The following ST6GALNAC3 variants were observed in gnomAD, a reference collection of about 807,000 sequenced individuals.
The protein encoded by ST6GALNAC3 is ST6 N-acetylgalactosaminide alpha-2,6-sialyltransferase 3, also known as alpha-N-acetylgalactosaminide alpha-2,6-sialyltransferase 3.
ST6GALNAC3 carries 25 observed loss-of-function variants against 32.7 expected under a neutral mutation model. That is an observed-to-expected ratio of 0.76 (90% CI 0.56 to 1.07). The LOEUF (loss-of-function observed/expected upper bound fraction) is 1.07, where lower values mean the gene tolerates loss of function less well. Among genes scored for constraint, ST6GALNAC3 ranks in the 50% least tolerant of loss-of-function variants. ST6GALNAC3 has a pLI of 0.00. For missense variants in ST6GALNAC3, 355 were observed against 382.4 expected, an observed-to-expected ratio of 0.93 and a Z score of 0.60; for synonymous variants, 129 against 133.1, an observed-to-expected ratio of 0.97 and a Z score of 0.21.
intron 2 of ST6GALNAC3, among the ~76,000 whole-genome samples, chr1:76,406,590 A>G (rs1653851764): frequency 6.6e-6 from 1 of 152,028 alleles, no homozygotes; most frequent in Non-Finnish European, 1.5e-5. Flanking sequence ...GCCAAAAAGG[A>G]ATAGTGGTGA....
intron 3 of ST6GALNAC3, among the ~76,000 whole-genome samples, chr1:76,416,622 G>GTTTTT (rs1431727778): frequency 1.9e-4 from 19 of 99,864 alleles, no homozygotes; most frequent in African/African-American, 6.9e-4. Context: ...AGTATTGTGG[G>GTTTTT]TTTTGTTTTT....
In ST6GALNAC3 at chr1:76,378,736, G is replaced by A. The variant is rs545379050; in HGVS notation, c.214-33272G>A. Reference sequence around the variant, plus strand: ...CAAAGGATCATCGTGGTATGATGGCGCTTCACACATGCAGAATGGTCATCT... The same window carrying A: ...CAAAGGATCATCGTGGTATGATGGCACTTCACACATGCAGAATGGTCATCT... On this transcript the variant is annotated intron_variant, in intron 2 of 4. Transcript: ENST00000328299. 4.3e-4 allele frequency among the ~76,000 whole-genome samples: 66 copies of A among 152,080 alleles called. No individual in the cohort carries two copies. In the Middle Eastern group the frequency reaches 0.01, roughly 24 times the overall value.
intron 1 of ST6GALNAC3, among the ~76,000 whole-genome samples, chr1:76,152,488 T>G (rs1361787934): frequency 6.6e-6 from 1 of 152,196 alleles, no homozygotes; most frequent in Admixed American, 6.5e-5. Context: ...TTGCAAAGTC[T>G]TGTGCTAGGT....
At position 76,570,869 on chromosome 1, in the gene ST6GALNAC3, AG is replaced by A. The variant is rs546070108; in HGVS notation, c.624-56581del. ...CTTTAATCGCTCAATGATTTCATAC[AG>A]GCCCATGTCCTTAGGTGCCACTTCT... On this transcript the variant is annotated intron_variant, in intron 3 of 4. Transcript: ENST00000328299. Among the ~76,000 whole-genome samples the A allele has an allele frequency of 2.8e-4, 42 of 152,088 alleles. 1 individual carries two copies. The South Asian group carries it at 3.3e-3, about 12-fold the overall frequency.
At chr1:76,236,244 G>A (rs1570534064) in intron 1 of ST6GALNAC3, among the ~76,000 whole-genome samples, 1 of 152,038 alleles carries the variant, frequency 6.6e-6, no homozygotes, top group Non-Finnish European at 1.5e-5. Context: ...TACCGCACCC[G>A]ACCAACCTAA....
chr1:76,210,634 G>T (rs150607781), intron 1 of ST6GALNAC3, among the ~76,000 whole-genome samples: 1 of 152,146 alleles, frequency 6.6e-6, no homozygotes, highest in Admixed American at 6.5e-5. Context: ...CAAGGTGTTC[G>T]CATGTTTGCT....
rs368648490 is a variant in ST6GALNAC3, at chr1:76,482,139, T to TACACACAC, written c.623+69744_623+69751dup. Among the ~76,000 whole-genome samples the TACACACAC allele has an allele frequency of 9.9e-3, 1,451 of 147,112 alleles. 15 individuals carry two copies. The highest frequency in any genetic ancestry group is 0.019 in the South Asian group (88 of 4,582). On this transcript the variant is annotated intron_variant, in intron 3 of 4. Coordinates refer to ENST00000328299, the MANE Select transcript of ST6GALNAC3 (RefSeq NM_152996.4). ...AAAGAGAATTTTAACAAATTTTCTT[T>TACACACAC]ACACACACACACACACACACACACA...
chr1:76,342,774 G>A (rs1412908625), intron 2 of ST6GALNAC3, among the ~76,000 whole-genome samples: 1 of 151,826 alleles, frequency 6.6e-6, no homozygotes, highest in Non-Finnish European at 1.5e-5. Flanking sequence ...CATTCTGATT[G>A]GTATGAGATG....
chr1:76,365,884 C>A (rs1449072315), intron 2 of ST6GALNAC3, among the ~76,000 whole-genome samples: 1 of 152,108 alleles, frequency 6.6e-6, no homozygotes, highest in African/African-American at 2.4e-5. Context: ...TAAACACAAT[C>A]TTTCACTTTC....
chr1:76,288,974 TC>T (rs1207653931), intron 1 of ST6GALNAC3, among the ~76,000 whole-genome samples: 23 of 152,130 alleles, frequency 1.5e-4, no homozygotes, highest in Non-Finnish European at 2.9e-4. Context: ...GAACCACACT[TC>T]CCCCTCCAAA....
Position 76,357,225 on chromosome 1 carries a change from C to T in ST6GALNAC3, c.213+43226C>T, listed in dbSNP as rs189633044. On this transcript the variant is annotated intron_variant, in intron 2 of 4. Coordinates refer to ENST00000328299, the MANE Select transcript of ST6GALNAC3 (RefSeq NM_152996.4). Reference sequence around the variant, plus strand: ...TCTCAACTCACTGCAACCTCCGCCTCCTGGGTTCAAGTGATTCTCATAATT... The same window carrying T: ...TCTCAACTCACTGCAACCTCCGCCTTCTGGGTTCAAGTGATTCTCATAATT... Among the ~76,000 whole-genome samples the T allele has an allele frequency of 6.8e-3, 1,024 of 150,098 alleles. 7 individuals carry two copies. Among genetic ancestry groups the T allele is most frequent in the African/African-American group, 0.025 (1,001 of 40,844 alleles).
intron 2 of ST6GALNAC3, among the ~76,000 whole-genome samples, chr1:76,329,156 G>C (rs1337540394): frequency 6.6e-6 from 1 of 152,176 alleles, no homozygotes; most frequent in Admixed American, 6.5e-5. Context: ...CAAAAACACA[G>C]GAATCATCAT....
chr1:76,394,883 A>C (rs1652828823), intron 2 of ST6GALNAC3, among the ~76,000 whole-genome samples: 1 of 152,194 alleles, frequency 6.6e-6, no homozygotes, highest in African/African-American at 2.4e-5. Context: ...ACAAGATTCC[A>C]AGGCTCAGAA....
At chr1:76,448,420 TGA>T (rs1400774764) in intron 3 of ST6GALNAC3, among the ~76,000 whole-genome samples, 1 of 152,164 alleles carries the variant, frequency 6.6e-6, no homozygotes, top group African/African-American at 2.4e-5. Context: ...AATGCTGAAA[TGA>T]GTTAAGACTT....
At chr1:76,190,723 G>C (rs769026064) in intron 1 of ST6GALNAC3, among the ~76,000 whole-genome samples, 1 of 152,176 alleles carries the variant, frequency 6.6e-6, no homozygotes, top group African/African-American at 2.4e-5. Context: ...GTAAGGTAAA[G>C]CTTTTTAGCC....
chr1:76,219,715 C>T (rs1655662832), intron 1 of ST6GALNAC3, among the ~76,000 whole-genome samples: 2 of 152,204 alleles, frequency 1.3e-5, no homozygotes, highest in African/African-American at 4.8e-5. Context: ...TGTCATATCA[C>T]ATATGAAGTG....
chr1:76,210,919 G>T (rs1655117512), intron 1 of ST6GALNAC3, among the ~76,000 whole-genome samples: 1 of 152,046 alleles, frequency 6.6e-6, no homozygotes, highest in South Asian at 2.1e-4. Context: ...GCTAATTTTT[G>T]TATTTTTAGT....
At chr1:76,340,103 T>A (rs1453946805) in intron 2 of ST6GALNAC3, among the ~76,000 whole-genome samples, 1 of 152,226 alleles carries the variant, frequency 6.6e-6, no homozygotes, top group Non-Finnish European at 1.5e-5. Context: ...TTGGGCAACA[T>A]ACATGAAACC....
intron 3 of ST6GALNAC3, among the ~76,000 whole-genome samples, chr1:76,525,301 A>T (rs1259990412): frequency 1.3e-5 from 2 of 152,148 alleles, no homozygotes; most frequent in African/African-American, 4.8e-5. Context: ...ATTTAAAAGT[A>T]AATAAAAATA....
Sources: gnomAD v4.1 joint callset for allele counts (sites outside exome capture counted in the v4.1 genomes callset) on GRCh38, gnomAD v4.1.1 for gene constraint, MANE v1.5 for transcripts, NCBI Gene and HGNC (gene_info 2026-07-23, HGNC 2026-07-21) for gene names.